Variants in NLRP14 observed in about 807,000 individuals in gnomAD.
NLRP14 encodes the protein NLR family pyrin domain containing 14, also known as NACHT, LRR and PYD domains-containing protein 14.
NLRP14 carries 105 observed loss-of-function variants against 94.7 expected under a neutral mutation model. The observed-to-expected ratio is 1.11, with a 90% CI of 0.95 to 1.30. The LOEUF (loss-of-function observed/expected upper bound fraction) is 1.30, where lower values mean the gene tolerates loss of function less well. NLRP14 is among the 50% of genes most tolerant of loss of function. NLRP14 has a pLI of 0.00. For missense variants in NLRP14, 1,362 were observed against 1,254.1 expected, an observed-to-expected ratio of 1.09 and a Z score of -1.30; for synonymous variants, 508 against 459.9, an observed-to-expected ratio of 1.10 and a Z score of -1.34.
At chr11:7,084,817 A>C in the NLRP14 span, among the ~76,000 whole-genome samples, 3 of 152,250 alleles carry the variant, frequency 2.0e-5, no homozygotes, top group African/African-American at 7.2e-5. Context: ...TTTGTAGCCA[A>C]GTCGGATAAG....
At chr11:7,085,371 A>G in the NLRP14 span, among the ~76,000 whole-genome samples, 5 of 152,214 alleles carry the variant, frequency 3.3e-5, no homozygotes, top group African/African-American at 9.6e-5. Context: ...CTCTGTACTC[A>G]TTAAGCAACA....
At position 7,042,468 on chromosome 11, in the gene NLRP14, G is replaced by A. The variant is rs772114543; in HGVS notation, c.442G>A (p.Glu148Lys). 1.2e-6 allele frequency: 2 copies of A among 1,613,418 alleles called. No individual in the cohort carries two copies. Among genetic ancestry groups the A allele is most frequent in the Admixed American group, 1.7e-5 (1 of 60,034 alleles). ...CAAGAAGTCTTTGGCTGGAAAGCCT[G>A]AAGATTTCCATCATGGAATTGCAGA... is the stretch of plus-strand genomic sequence containing the variant. Reference protein sequence around the residue: ...WDKKSLAGKPEDFHHGIAEKD... With the variant: ...WDKKSLAGKPKDFHHGIAEKD... The change falls in exon 4 of 12, where the codon GAA becomes AAA. Residue 148 changes from glutamate (E) to lysine (K), a missense_variant. Transcript: ENST00000299481.
At chr11:7,069,881 C>G (rs1053546313) in intron 10 of NLRP14, among the ~76,000 whole-genome samples, 2 of 152,164 alleles carry the variant, frequency 1.3e-5, no homozygotes, top group African/African-American at 4.8e-5. Context: ...CCCACCTCAG[C>G]CTCCCAAAGT....
chr11:7,066,751 C>A (rs928546778), intron 10 of NLRP14, among the ~76,000 whole-genome samples: 1 of 152,114 alleles, frequency 6.6e-6, no homozygotes, highest in African/African-American at 2.4e-5. Context: ...GTGTTTTAGT[C>A]ATGAAGTCTT....
At position 7,070,404 on chromosome 11, in the gene NLRP14, G is replaced by T. The variant is rs1423271637; in HGVS notation, c.3094G>T (p.Val1032Leu). ...TQNTLGYEGI[V>L]KLYKVLKSPK... is the part of the protein sequence containing the mutation. ...GAATACCTTAGGATATGAAGGAATT[G>T]TGAAGTTATATAAAGTCTTGAAGTC... The change falls in exon 11 of 12, where the codon GTG becomes TTG. Residue 1032 changes from valine to leucine, a missense_variant. By Grantham distance (32) the Val-to-Leu change is conservative (BLOSUM62 1). Coordinates refer to ENST00000299481, the MANE Select transcript of NLRP14 (RefSeq NM_176822.4). 1 of 1,610,674 alleles carries T rather than the reference G, an allele frequency of 6.2e-7. No homozygotes were observed. The highest frequency in any genetic ancestry group is 1.1e-5 in the South Asian group (1 of 91,002).
At chr11:7,089,054 C>G in the NLRP14 span, 5 of 1,551,040 alleles carry the variant, frequency 3.2e-6, no homozygotes, top group Admixed American at 3.7e-5. Flanking sequence ...CGAGCGAGCT[C>G]GAAGGCTGCG....
chr11:7,024,727 C>G (rs1851991030), intron 1 of NLRP14, among the ~76,000 whole-genome samples: 1 of 152,056 alleles, frequency 6.6e-6, no homozygotes, highest in African/African-American at 2.4e-5. Flanking sequence ...AAGCTTAGAA[C>G]ATTTGTACAT....
At chr11:7,085,770 A>G in the NLRP14 span, among the ~76,000 whole-genome samples, 1 of 152,190 alleles carries the variant, frequency 6.6e-6, no homozygotes, top group Non-Finnish European at 1.5e-5. Context: ...ATGCTACAGA[A>G]ATAGTTTTTA....
At chr11:7,044,303 A>G (rs1013311370) in intron 4 of NLRP14, among the ~76,000 whole-genome samples, 1 of 152,180 alleles carries the variant, frequency 6.6e-6, no homozygotes, top group Non-Finnish European at 1.5e-5. Context: ...TCAAGGAGGA[A>G]TGTGGCATGG....
chr11:7,053,425 C>A (rs1852470633), intron 6 of NLRP14, among the ~76,000 whole-genome samples: 1 of 149,600 alleles, frequency 6.7e-6, no homozygotes, highest in Admixed American at 6.7e-5. Flanking sequence ...TAAAGATGCT[C>A]ATCATTTAGT....
At chr11:7,071,585 A>G (rs1168772596), downstream of NLRP14, among the ~76,000 whole-genome samples, 4 of 41,734 alleles carry the variant, frequency 9.6e-5, no homozygotes, top group Non-Finnish European at 1.7e-4. Flanking sequence ...AAGCCTGGAT[A>G]TGAGGCTGGA....
chr11:7,050,359 A>G (rs541517485), intron 6 of NLRP14, among the ~76,000 whole-genome samples: 70 of 152,326 alleles, frequency 4.6e-4, no homozygotes, highest in African/African-American at 1.6e-3. Context: ...CTTGCTGGCT[A>G]CCACACACTA....
intron 1 of NLRP14, among the ~76,000 whole-genome samples, chr11:7,028,078 C>T (rs1158163208): frequency 6.6e-6 from 1 of 151,784 alleles, no homozygotes; most frequent in Non-Finnish European, 1.5e-5. Flanking sequence ...TCTTCCATGG[C>T]TTTAAATTCC....
downstream of NLRP14, among the ~76,000 whole-genome samples, chr11:7,072,303 G>T (rs1186096151): frequency 2.0e-5 from 3 of 152,228 alleles, no homozygotes; most frequent in African/African-American, 7.2e-5. Flanking sequence ...TGGCTGAAAG[G>T]CTGGGATGAG....
chr11:7,088,818 T>C, the NLRP14 span, among the ~76,000 whole-genome samples: 1 of 152,240 alleles, frequency 6.6e-6, no homozygotes, highest in Non-Finnish European at 1.5e-5. Flanking sequence ...GGCTTTTCCC[T>C]GAGCTTTCAG....
chr11:7,088,351 A>G, the NLRP14 span, among the ~76,000 whole-genome samples: 2 of 152,216 alleles, frequency 1.3e-5, no homozygotes, highest in Non-Finnish European at 2.9e-5. Flanking sequence ...GAACTGAACA[A>G]CAATGAAAAC....
rs1472110 is a variant in NLRP14 at position 7,058,832 on chromosome 11, T to C, written c.2633+382T>C. Reference sequence around the variant, plus strand: ...ATGATCTGAGCTCAGAACAGAAATATAGCACTCTGTTGTATGTCTGAATCA... The same window carrying C: ...ATGATCTGAGCTCAGAACAGAAATACAGCACTCTGTTGTATGTCTGAATCA... On this transcript the variant is annotated intron_variant, in intron 8 of 11. Transcript: ENST00000299481. Among the ~76,000 whole-genome samples the C allele has an allele frequency of 4.1e-3, 619 of 152,116 alleles. 7 individuals are homozygous for C. The highest frequency in any genetic ancestry group is 0.014 in the African/African-American group (572 of 41,542).
chr11:7,024,001 T>G lies in NLRP14; in HGVS notation c.-22+3231T>G, dbSNP rs76711255. On this transcript the variant is annotated intron_variant, in intron 1 of 11. Transcript: ENST00000299481. ...ATTACATTTCAACAGGAGATTTCAG[T>G]GGGGACAAATATCCAAACTATATCA... Among the ~76,000 whole-genome samples, 787 of 152,196 alleles carry G rather than the reference T, an allele frequency of 5.2e-3. 18 individuals are homozygous for G. The highest frequency in any genetic ancestry group is 0.04 in the Admixed American group (616 of 15,274).
downstream of NLRP14, among the ~76,000 whole-genome samples, chr11:7,072,518 A>C (rs1852815903): frequency 2.0e-5 from 3 of 152,188 alleles, no homozygotes; most frequent in South Asian, 6.2e-4. Context: ...CCTTGGTTTG[A>C]GACTTTATAC....
Sources: gnomAD v4.1 joint callset for allele counts (sites outside exome capture counted in the v4.1 genomes callset) on GRCh38, gnomAD v4.1.1 for gene constraint, MANE v1.5 for transcripts, NCBI Gene and HGNC (gene_info 2026-07-23, HGNC 2026-07-21) for gene names.